The following VWDE variants were observed in gnomAD, a reference collection of about 807,000 sequenced individuals.
VWDE encodes the protein von Willebrand factor D and EGF domains.
Under a neutral mutation model 178.4 loss-of-function variants are expected in VWDE, and 207 were observed. That is an observed-to-expected ratio of 1.16 (90% CI 1.04 to 1.30). VWDE has a LOEUF of 1.30. Ranked by LOEUF, VWDE falls within the 50% of genes most tolerant of loss-of-function variation. The pLI, the probability that VWDE is intolerant of heterozygous loss-of-function variation, is 0.00. For synonymous variants in VWDE, 738 were observed against 651.4 expected, an observed-to-expected ratio of 1.13 and a Z score of -2.02; for missense variants, 2,287 against 1,901.3, an observed-to-expected ratio of 1.20 and a Z score of -3.77.
intron 22 of VWDE, among the ~76,000 whole-genome samples, chr7:12,342,700 A>ATG (rs1407826540): frequency 6.7e-6 from 1 of 149,970 alleles, no homozygotes; most frequent in African/African-American, 2.5e-5. Flanking sequence ...TTATTATTAT[A>ATG]CTTCAAGTTT....
At chr7:12,350,281 C>T (rs1474738816) in intron 19 of VWDE, among the ~76,000 whole-genome samples, 2 of 151,510 alleles carry the variant, frequency 1.3e-5, no homozygotes, top group African/African-American at 4.9e-5. Context: ...TGCATAAACA[C>T]ATAATATGGA....
chr7:12,373,832 C>T (rs1024498509), intron 9 of VWDE, among the ~76,000 whole-genome samples: 1 of 152,118 alleles, frequency 6.6e-6, no homozygotes, highest in Non-Finnish European at 1.5e-5. Flanking sequence ...ATCACTACTA[C>T]ACTTTCTCGA....
intron 13 of VWDE, among the ~76,000 whole-genome samples, chr7:12,363,322 G>T (rs917104622): frequency 1.3e-5 from 2 of 151,854 alleles, no homozygotes; most frequent in South Asian, 4.1e-4. Context: ...AAAAGACAGG[G>T]ATGCATGGAA....
intron 11 of VWDE, 68 bp from the exon 12 acceptor site, chr7:12,370,577 C>T: frequency 1.3e-6 from 2 of 1,524,506 alleles, no homozygotes; most frequent in Non-Finnish European, 1.8e-6. Flanking sequence ...ATATGTGTTG[C>T]AAAAAAGCAG....
In VWDE at chr7:12,357,429, C is replaced by A. The variant is rs1029901552; in HGVS notation, c.3361G>T (p.Asp1121Tyr). ...AAATGGATGTCAGAACCTTCTGGAT[C>A]GAAGGCCACGAACTGATACTCAAAG... ...ENFEYQFVAFDPEGSDIHFTL... is the reference protein window; with the variant it reads ...ENFEYQFVAFYPEGSDIHFTL... The change falls in exon 17 of 29, where the codon GAT becomes TAT. Residue 1121 changes from aspartate (D) to tyrosine (Y), a missense_variant. Transcript: ENST00000275358. 34 of 1,551,916 alleles carry A rather than the reference C, an allele frequency of 2.2e-5. No individual in the cohort carries two copies. Among genetic ancestry groups the A allele is most frequent in the Non-Finnish European group, 2.9e-5 (33 of 1,147,060 alleles).
At chr7:12,370,565 T>C in intron 11 of VWDE, 56 bp from the exon 12 acceptor site, 1 of 1,528,274 alleles carries the variant, frequency 6.5e-7, no homozygotes, top group Non-Finnish European at 8.8e-7. Context: ...ATTTGTTTCC[T>C]AATATGTGTT....
chr7:12,332,471 C>A (rs1393397747), intron 28 of VWDE, among the ~76,000 whole-genome samples: 1 of 152,026 alleles, frequency 6.6e-6, no homozygotes, highest in African/African-American at 2.4e-5. Context: ...GAGCAGCCAC[C>A]TAGTTTAGTA....
chr7:12,398,748 T>C (rs1456114471), intron 1 of VWDE, among the ~76,000 whole-genome samples: 1 of 152,132 alleles, frequency 6.6e-6, no homozygotes, highest in East Asian at 1.9e-4. Flanking sequence ...GGCAGCAACA[T>C]GGATGCAAAC....
chr7:12,401,106 A>C (rs1365275788), intron 1 of VWDE, among the ~76,000 whole-genome samples: 9 of 152,156 alleles, frequency 5.9e-5, no homozygotes, highest in Admixed American at 5.9e-4. Flanking sequence ...CTTACATTTT[A>C]TGTGATGAAG....
intron 19 of VWDE, among the ~76,000 whole-genome samples, chr7:12,350,539 T>C (rs1271829001): frequency 6.6e-6 from 1 of 152,090 alleles, no homozygotes. Context: ...AGTGATATCA[T>C]AGTGAAACAT....
chr7:12,355,575 CAT>C (rs1782196115), intron 18 of VWDE, among the ~76,000 whole-genome samples: 1 of 151,992 alleles, frequency 6.6e-6, no homozygotes, highest in South Asian at 2.1e-4. Flanking sequence ...AGAAAATATT[CAT>C]ATGAGTTTTT....
At chr7:12,337,851 G>C (rs1285809216) in intron 24 of VWDE, among the ~76,000 whole-genome samples, 1 of 151,940 alleles carries the variant, frequency 6.6e-6, no homozygotes, top group African/African-American at 2.4e-5. Flanking sequence ...GTTCCTATTT[G>C]TATAATTCTG....
In VWDE at chr7:12,359,692, C is replaced by A; in HGVS notation, c.3160G>T (p.Glu1054Ter). The A allele has an allele frequency of 6.6e-7, 1 of 1,526,154 alleles. No homozygotes were observed. The highest frequency in any genetic ancestry group is 8.8e-7 in the Non-Finnish European group (1 of 1,134,368). 94.5% of individuals were successfully genotyped at this position (1,526,154 alleles called of 1,614,324 possible). A position where few individuals can be genotyped will look rare whatever the true frequency, so the allele number is the denominator to read the frequency against. The part of the protein sequence containing the change: ...LYKNDSCTIK[E>*]NVCIIDGLCY... ...AGTCCATCAATAATGCAAACATTTTCCTAATGGAAAATTTTTAAAAAAGAA... is the reference window on the plus strand; with the variant it reads ...AGTCCATCAATAATGCAAACATTTTACTAATGGAAAATTTTTAAAAAAGAA... Residue 1054 changes from glutamate (E) to a stop codon, truncating the protein, a stop_gained and splice_region_variant, in exon 16 of 29, where the codon GAA becomes TAA. Transcript: ENST00000275358. LOFTEE classifies it high-confidence loss of function.
At chr7:12,370,905 GCAATATT>G in intron 10 of VWDE, 41 bp from the exon 11 acceptor site, 1 of 1,403,990 alleles carries the variant, frequency 7.1e-7, no homozygotes, top group Non-Finnish European at 9.5e-7. Flanking sequence ...AGATGTTGAA[GCAATATT>G]CAACCTGGAT....
rs867440840 is a variant in VWDE at position 12,332,825 on chromosome 7, G to C, written c.4758+640C>G. ...GCTTCAAGAAGAAAATTTCTAATCA[G>C]TTGTCAAATTCTGGTACTCCAGCAT... On this transcript the variant is annotated intron_variant, in intron 28 of 28. Transcript: ENST00000275358. 2.4e-4 allele frequency among the ~76,000 whole-genome samples: 36 copies of C among 152,128 alleles called. 1 individual carries two copies. The highest frequency in any genetic ancestry group is 8.2e-4 in the African/African-American group (34 of 41,442).
chr7:12,354,786 C>T (rs542221087), intron 18 of VWDE, among the ~76,000 whole-genome samples: 2 of 152,264 alleles, frequency 1.3e-5, no homozygotes, highest in East Asian at 1.9e-4. Flanking sequence ...CTTCATATTA[C>T]AGCAGTAATT....
Position 12,369,843 on chromosome 7 carries a change from C to T in VWDE, c.2463G>A (p.Arg821=). Residue 821 remains arginine, a synonymous_variant, in exon 12 of 29, where the codon AGG becomes AGA. Coordinates refer to ENST00000275358, the MANE Select transcript of VWDE (RefSeq NM_001135924.3). ...QETLANSSIG[R]LCLAFLGKRL... is the part of the protein sequence containing the mutation. Reference sequence around the variant, plus strand: ...TCTTGCCAAGAAAAGCAAGACACAGCCTTCCTATGCTGGAGTTGGCTAGAG... The same window carrying T: ...TCTTGCCAAGAAAAGCAAGACACAGTCTTCCTATGCTGGAGTTGGCTAGAG... 6.4e-7 allele frequency: 1 copy of T among 1,551,510 alleles called. No individual in the cohort carries two copies. Among genetic ancestry groups the T allele is most frequent in the Non-Finnish European group, 8.7e-7 (1 of 1,146,878 alleles).
Position 12,367,424 on chromosome 7 carries a change from A to G in VWDE, c.2831T>C (p.Met944Thr). Reference protein sequence around the residue: ...FCDVQKYNCMMVRVFGKGFKE... With the variant: ...FCDVQKYNCMTVRVFGKGFKE... ...GAAGCCTTTGCCAAAAACTCTCACCATCATACAATTATATTTTTGAACATC... is the reference window on the plus strand; with the variant it reads ...GAAGCCTTTGCCAAAAACTCTCACCGTCATACAATTATATTTTTGAACATC... Residue 944 changes from methionine to threonine, a missense_variant, in exon 13 of 29, where the codon ATG becomes ACG. Transcript: ENST00000275358. 1.0e-5 allele frequency: 16 copies of G among 1,547,194 alleles called. No individual in the cohort carries two copies. Among genetic ancestry groups the G allele is most frequent in the Non-Finnish European group, 1.4e-5 (16 of 1,144,622 alleles).
chr7:12,398,156 C>T (rs780395423), intron 1 of VWDE, among the ~76,000 whole-genome samples: 5 of 152,180 alleles, frequency 3.3e-5, no homozygotes, highest in Non-Finnish European at 5.9e-5. Context: ...ATGGAATCAG[C>T]CATGGTGCCC....
Sources: gnomAD v4.1 joint callset for allele counts (sites outside exome capture counted in the v4.1 genomes callset) on GRCh38, gnomAD v4.1.1 for gene constraint, MANE v1.5 for transcripts, NCBI Gene and HGNC (gene_info 2026-07-23, HGNC 2026-07-21) for gene names.